KLHL32: variants seen among roughly 807,000 people sequenced by gnomAD.
KLHL32 encodes kelch-like protein 32.
In KLHL32, 35 loss-of-function variants were observed where a neutral mutation model predicts 64.8. The observed-to-expected ratio is 0.54, with a 90% CI of 0.41 to 0.72. KLHL32 has a LOEUF of 0.72. Among genes scored for constraint, KLHL32 ranks in the 30% least tolerant of loss-of-function variants. The pLI is 0.00. For synonymous variants in KLHL32, 259 were observed against 281.0 expected (o/e 0.92, Z 0.78); for missense variants, 589 against 768.5 (o/e 0.77, Z 2.76).
chr6:97,114,721 G>T (rs1020075606), intron 7 of KLHL32, among the ~76,000 whole-genome samples: 1 of 152,096 alleles, frequency 6.6e-6, no homozygotes, highest in African/African-American at 2.4e-5. Flanking sequence ...AGTGACTAAT[G>T]GAATAAAAAT....
Position 97,067,540 on chromosome 6 carries a change from C to G in KLHL32, c.411+2814C>G, listed in dbSNP as rs150034938. ...GTTTCTAGCCTCAATCTGTGGTAAC[C>G]CATGGCCCCCAGACCATCACTATCT... On this transcript the variant is annotated intron_variant, in intron 5 of 10. Coordinates refer to ENST00000369261, the MANE Select transcript of KLHL32 (RefSeq NM_052904.4). Among the ~76,000 whole-genome samples the G allele has an allele frequency of 7.2e-5, 11 of 152,160 alleles. No homozygotes were observed. In the East Asian group the frequency reaches 2.1e-3, roughly 29 times the overall value.
intron 6 of KLHL32, among the ~76,000 whole-genome samples, chr6:97,107,511 A>C (rs1482919468): frequency 6.6e-6 from 1 of 152,214 alleles, no homozygotes; most frequent in Admixed American, 6.5e-5. Context: ...AAAATTTAAA[A>C]GCTTGAGCCA....
chr6:97,114,619 C>A, intron 7 of KLHL32, 110 bp downstream of exon 7: 1 of 1,324,094 alleles, frequency 7.6e-7, no homozygotes, highest in Non-Finnish European at 1.1e-6. Flanking sequence ...TTGAACCAAG[C>A]ATGCCATTTT....
intron 3 of KLHL32, among the ~76,000 whole-genome samples, chr6:97,030,143 A>T (rs1206103): frequency 0.18 from 26,682 of 152,184 alleles, 2,794 homozygotes; most frequent in African/African-American, 0.3. Flanking sequence ...CTGTGTTCAG[A>T]GTAACTCCAA....
Position 97,131,523 on chromosome 6 carries a change from A to C in KLHL32, c.1606+574A>C, listed in dbSNP as rs1039652379. ...ATTAGGTATGGACCTTCCTCATCCCAAAAAAGGATGAAAGTAACACGGTGA... is the reference window on the plus strand; with the variant it reads ...ATTAGGTATGGACCTTCCTCATCCCCAAAAAGGATGAAAGTAACACGGTGA... On this transcript the variant is annotated intron_variant, in intron 9 of 10. Coordinates refer to ENST00000369261, the MANE Select transcript of KLHL32 (RefSeq NM_052904.4). Among the ~76,000 whole-genome samples, 19 of 152,186 alleles carry C rather than the reference A, an allele frequency of 1.2e-4. No homozygotes were observed. The East Asian group carries it at 1.3e-3, about 11-fold the overall frequency.
intron 5 of KLHL32, among the ~76,000 whole-genome samples, chr6:97,079,537 A>C (rs1329865659): frequency 6.6e-6 from 1 of 152,218 alleles, no homozygotes; most frequent in Admixed American, 6.5e-5. Flanking sequence ...CATTGAAGGA[A>C]CCAATTAGGG....
At chr6:96,967,579 CACA>C (rs781315667) in intron 2 of KLHL32, among the ~76,000 whole-genome samples, 6 of 152,152 alleles carry the variant, frequency 3.9e-5, no homozygotes, top group Non-Finnish European at 7.4e-5. Context: ...TCAAAATGCT[CACA>C]ACATTTCCTT....
In KLHL32 at chr6:97,113,806, C is replaced by T; in HGVS notation, c.651C>T (p.His217=). Residue 217 remains histidine (H), a synonymous_variant, in exon 7 of 11, where the codon CAC becomes CAT. Transcript: ENST00000369261. ...IWQLAVRWLE[H]NCHYQYMDEL... is the part of the protein sequence containing the mutation. ...AGCTAGCTGTGAGGTGGTTGGAACA[C>T]AACTGCCACTACCAGTACATGGACG... is the stretch of plus-strand genomic sequence containing the variant. The T allele has an allele frequency of 2.5e-6, 4 of 1,613,594 alleles. No homozygotes were observed. The highest frequency in any genetic ancestry group is 3.4e-6 in the Non-Finnish European group (4 of 1,179,550).
intron 3 of KLHL32, among the ~76,000 whole-genome samples, chr6:96,995,696 G>T (rs563037992): frequency 6.6e-6 from 1 of 152,230 alleles, no homozygotes; most frequent in South Asian, 2.1e-4. Context: ...TTCCTGTTCA[G>T]CTCTTAGTCT....
upstream of KLHL32, among the ~76,000 whole-genome samples, chr6:96,919,981 C>T (rs1384411035): frequency 1.3e-5 from 2 of 152,144 alleles, no homozygotes; most frequent in African/African-American, 2.4e-5. Flanking sequence ...ACCGAATTTG[C>T]TTCTTGATGT....
chr6:97,073,894 A>G (rs1791164712), intron 5 of KLHL32, among the ~76,000 whole-genome samples: 1 of 152,012 alleles, frequency 6.6e-6, no homozygotes, highest in Non-Finnish European at 1.5e-5. Flanking sequence ...TCTATCCACA[A>G]GTATCTTTTA....
At chr6:97,075,324 C>T (rs183749205) in intron 5 of KLHL32, among the ~76,000 whole-genome samples, 2 of 152,194 alleles carry the variant, frequency 1.3e-5, no homozygotes, top group East Asian at 3.9e-4. Flanking sequence ...ATACAGTTGT[C>T]CATACATATT....
intron 7 of KLHL32, among the ~76,000 whole-genome samples, chr6:97,120,337 T>C (rs959396448): frequency 1.3e-5 from 2 of 152,154 alleles, no homozygotes. Context: ...AGATTGTGCC[T>C]GTCAGGACTA....
intron 2 of KLHL32, among the ~76,000 whole-genome samples, chr6:96,972,674 G>A (rs1371613669): frequency 6.6e-6 from 1 of 152,138 alleles, no homozygotes; most frequent in Non-Finnish European, 1.5e-5. Flanking sequence ...AAATTTAGAA[G>A]TTTTAGGATA....
chr6:97,110,735 A>G (rs1325781974), intron 6 of KLHL32, among the ~76,000 whole-genome samples: 3 of 152,234 alleles, frequency 2.0e-5, no homozygotes, highest in Admixed American at 2.0e-4. Flanking sequence ...AAATTGAAGC[A>G]GGATATTTTC....
intron 6 of KLHL32, among the ~76,000 whole-genome samples, chr6:97,085,762 T>A (rs1237536520): frequency 6.6e-6 from 1 of 152,200 alleles, no homozygotes; most frequent in Non-Finnish European, 1.5e-5. Context: ...CAGAAACATT[T>A]CTTTGTTGCA....
chr6:97,106,756 AT>A (rs1490445976), intron 6 of KLHL32, among the ~76,000 whole-genome samples: 1 of 151,912 alleles, frequency 6.6e-6, no homozygotes, highest in African/African-American at 2.4e-5. Flanking sequence ...AAAAAAAAAA[AT>A]TAAATGTGAA....
chr6:97,007,959 T>C (rs1779875240), intron 3 of KLHL32, among the ~76,000 whole-genome samples: 1 of 152,198 alleles, frequency 6.6e-6, no homozygotes, highest in Admixed American at 6.5e-5. Context: ...TTGTGCTCGC[T>C]TGCACATGCC....
At chr6:97,105,746 C>T (rs548971635) in intron 6 of KLHL32, among the ~76,000 whole-genome samples, 1 of 150,084 alleles carries the variant, frequency 6.7e-6, no homozygotes, top group South Asian at 2.1e-4. Context: ...CAGTGAAAGA[C>T]AATATTTGTA....
Sources: gnomAD v4.1 joint callset for allele counts (sites outside exome capture counted in the v4.1 genomes callset) on GRCh38, gnomAD v4.1.1 for gene constraint, MANE v1.5 for transcripts, NCBI Gene and HGNC (gene_info 2026-07-23, HGNC 2026-07-21) for gene names.